The following COG8 variants were observed in gnomAD, a reference collection of about 807,000 sequenced individuals.
COG8 encodes conserved oligomeric Golgi complex subunit 8.
In COG8, 45 loss-of-function variants were observed where a neutral mutation model predicts 46.5. The ratio of observed to expected loss-of-function variants is 0.97; its 90% CI spans 0.76 to 1.24. The LOEUF is 1.24. Among genes scored for constraint, COG8 ranks in the 50% most tolerant of loss-of-function variants. The probability of loss-of-function intolerance (pLI) is 0.00; values close to 1 mark genes in which losing one functional copy is unlikely to be tolerated. For synonymous variants in COG8, 407 were observed against 347.8 expected, an observed-to-expected ratio of 1.17 and a Z score of -1.90; for missense variants, 793 against 820.8, an observed-to-expected ratio of 0.97 and a Z score of 0.41.
At chr16:69,336,782 A>G in intron 1 of COG8, 70 bp from the exon 2 acceptor site, 1 of 1,306,374 alleles carries the variant, frequency 7.7e-7, no homozygotes, top group Non-Finnish European at 1.1e-6. Flanking sequence ...GTTACCAAGT[A>G]CCTGCTATGA....
In COG8 at chr16:69,330,002, A is replaced by T. The variant is rs1470618268; in HGVS notation, c.*26+811T>A. 10 of 1,537,832 alleles carry T rather than the reference A, an allele frequency of 6.5e-6. No individual in the cohort carries two copies. In the South Asian group the frequency reaches 1.2e-4, roughly 18 times the overall value. On this transcript the variant is annotated intron_variant, in intron 5 of 5. Transcript: ENST00000306875. ...CCGGTCCCCGCCGCCCGCACCTGAG[A>T]TCTGCACCGCCTGGAAGCGGGGCAC...
chr16:69,330,031 G>C, intron 5 of COG8: 1 of 1,545,188 alleles, frequency 6.5e-7, no homozygotes, highest in Non-Finnish European at 8.7e-7. Flanking sequence ...GGGGCACGCA[G>C]GCCAGGAAGC....
intron 3 of COG8, 149 bp from the exon 4 acceptor site, chr16:69,333,031 CAG>C (rs2011982011): frequency 1.4e-6 from 1 of 738,486 alleles, no homozygotes; most frequent in African/African-American, 1.7e-5. Context: ...CATTTAAACT[CAG>C]AATTATGGTC....
In COG8 at chr16:69,339,541, C is replaced by T. The variant is rs756986120; in HGVS notation, c.12G>A (p.Ala4=). 6.8e-6 allele frequency: 11 copies of T among 1,608,782 alleles called. No homozygotes were observed. The Admixed American group carries it at 1.0e-4, about 15-fold the overall frequency. ...CCGTGGCTACCGATGGGATAGTCGC[C>T]GCGGTCGCCATCTTCCCAGCAACAA... The part of the protein sequence containing the change: MAT[A]ATIPSVATAT... Residue 4 remains alanine, a synonymous_variant, in exon 1 of 6, where the codon GCG becomes GCA. Transcript: ENST00000306875.
At position 69,336,581 on chromosome 16, in the gene COG8, T is replaced by C. The variant is rs552924056; in HGVS notation, c.509A>G (p.Tyr170Cys). Residue 170 changes from tyrosine to cysteine, a missense_variant, in exon 2 of 6, where the codon TAT becomes TGT. Tyr to Cys is a radical substitution (Grantham distance 194, BLOSUM62 -2). Coordinates refer to ENST00000306875, the MANE Select transcript of COG8 (RefSeq NM_032382.5). ...TGCAAGCTCCAGGGCCTCTTCATAATAACTGTTCCGGACACAGGTGTCCAT... is the reference window on the plus strand; with the variant it reads ...TGCAAGCTCCAGGGCCTCTTCATAACAACTGTTCCGGACACAGGTGTCCAT... ...QLMDTCVRNS[Y>C]YEEALELAAY... 2 of 1,614,194 alleles carry C rather than the reference T, an allele frequency of 1.2e-6. No individual in the cohort carries two copies. Among genetic ancestry groups the C allele is most frequent in the East Asian group, 2.2e-5 (1 of 44,892 alleles).
In COG8 at chr16:69,339,554, T is replaced by A. The variant is rs772344450; in HGVS notation, c.-2A>T. ...TGGGATAGTCGCCGCGGTCGCCATC[T>A]TCCCAGCAACAACGTCACTTCCCTT... is the stretch of plus-strand genomic sequence containing the variant. On this transcript the variant is annotated 5_prime_UTR_variant, in exon 1 of 6. In the 5' UTR this introduces an upstream ATG that the reference lacks. Transcript: ENST00000306875. 1.7e-5 allele frequency: 28 copies of A among 1,609,122 alleles called. No homozygotes were observed. Among genetic ancestry groups the A allele is most frequent in the Middle Eastern group, 4.5e-4 (2 of 4,484 alleles).
intron 5 of COG8, chr16:69,329,927 G>C (rs1965732956): frequency 1.4e-6 from 2 of 1,446,028 alleles, no homozygotes; most frequent in Non-Finnish European, 1.8e-6. Context: ...GACCACTTCT[G>C]CGCTCTCGCG....
At chr16:69,335,496 A>T (rs1298248155) in intron 2 of COG8, 148 bp from the exon 3 acceptor site, 1 of 763,056 alleles carries the variant, frequency 1.3e-6, no homozygotes, top group South Asian at 1.5e-5. Context: ...TAGGTTCACC[A>T]ACAAAGATCA....
rs769321092 is a variant in COG8, at chr16:69,331,094, G to C, written c.1584C>G (p.Gly528=). The C allele has an allele frequency of 1.4e-5, 22 of 1,613,702 alleles. No individual in the cohort carries two copies. The East Asian group carries it at 4.7e-4, about 34-fold the overall frequency. Residue 528 remains glycine, a splice_region_variant and synonymous_variant, in exon 5 of 6, where the codon GGC becomes GGG. Coordinates refer to ENST00000306875, the MANE Select transcript of COG8 (RefSeq NM_032382.5). ...FPPAQIAQTL[G]IPPTQLSKYG... ...ACTTGGAGAGCTGAGTGGGAGGAAT[G>C]CCTAACCCAGACGTGGGGAAAGCAA... is the stretch of plus-strand genomic sequence containing the variant.
chr16:69,329,255 C>T (rs960296633), intron 5 of COG8, 76 bp from the exon 6 acceptor site: 3 of 1,417,272 alleles, frequency 2.1e-6, no homozygotes, highest in Non-Finnish European at 1.8e-6. Context: ...CCCCTGCCCC[C>T]GGTCCTGGCT....
At chr16:69,334,388 G>A (rs2012065007) in intron 3 of COG8, 133 bp downstream of exon 3, 1 of 811,180 alleles carries the variant, frequency 1.2e-6, no homozygotes, top group African/African-American at 1.7e-5. Flanking sequence ...TCTCAATCAG[G>A]AGAACCTCCA....
Position 69,336,607 on chromosome 16 carries a change from G to C in COG8, c.483C>G (p.Leu161=). Residue 161 remains leucine (L), a synonymous_variant, in exon 2 of 6, where the codon CTC becomes CTG. Transcript: ENST00000306875. ...EILEILEIPQ[L]MDTCVRNSYY... is the part of the protein sequence containing the mutation. Reference sequence around the variant, plus strand: ...AACTGTTCCGGACACAGGTGTCCATGAGCTGAGGAATCTCCAGTATTTCCA... The same window carrying C: ...AACTGTTCCGGACACAGGTGTCCATCAGCTGAGGAATCTCCAGTATTTCCA... 6.2e-7 allele frequency: 1 copy of C among 1,614,172 alleles called. No individual in the cohort carries two copies.
At position 69,334,623 on chromosome 16, in the gene COG8, G is replaced by A. The variant is rs1201938154; in HGVS notation, c.1311C>T (p.Cys437=). The A allele has an allele frequency of 1.9e-6, 3 of 1,614,100 alleles. No homozygotes were observed. In the African/African-American group the frequency reaches 4.0e-5, roughly 22 times the overall value. Residue 437 remains cysteine, a synonymous_variant, in exon 3 of 6, where the codon TGC becomes TGT. Transcript: ENST00000306875. ...MVLLDFPPLA[C]FLNNILVAFN... is the part of the protein sequence containing the mutation. ...AGGCAACCAGAATATTGTTGAGAAA[G>A]CAGGCGAGGGGTGGGAAATCTAGGA... is the stretch of plus-strand genomic sequence containing the variant.
intron 5 of COG8, 109 bp downstream of exon 5, chr16:69,330,704 C>T (rs1043889611): frequency 7.2e-7 from 1 of 1,397,548 alleles, no homozygotes; most frequent in Non-Finnish European, 9.4e-7. Context: ...GCAGTGAGCA[C>T]CGCCCCCTTC....
intron 4 of COG8, 73 bp downstream of exon 4, chr16:69,332,641 C>T (rs777627418): frequency 1.5e-6 from 2 of 1,372,962 alleles, no homozygotes; most frequent in Non-Finnish European, 2.1e-6. Context: ...CACTGACTTA[C>T]ACAAATGGAT....
rs1387965491 is a variant in COG8 at position 69,332,512 on chromosome 16, A to G, written c.1582+202T>C. 10 of 637,670 alleles carry G rather than the reference A, an allele frequency of 1.6e-5. No individual in the cohort carries two copies. The East Asian group carries it at 2.7e-4, about 17-fold the overall frequency. The allele number at this position is 637,670 out of a possible 1,614,324, so 39.5% of individuals were successfully genotyped here. On this transcript the variant is annotated intron_variant, in intron 4 of 5. Transcript: ENST00000306875. ...TGTCCAGAAGAGGCAAATCTATGGC[A>G]ACAGAAAGTAGGTTGCCAGGGACTA...
intron 5 of COG8, 155 bp downstream of exon 5, chr16:69,330,658 A>G (rs920668791): frequency 1.8e-5 from 25 of 1,402,070 alleles, no homozygotes; most frequent in East Asian, 1.4e-4. Flanking sequence ...CACACAGCGA[A>G]GCCGCGACTG....
At chr16:69,337,795 G>A (rs192947482) in intron 1 of COG8, among the ~76,000 whole-genome samples, 2 of 149,642 alleles carry the variant, frequency 1.3e-5, no homozygotes, top group East Asian at 2.0e-4. Flanking sequence ...GCAGTGGCAC[G>A]CATCATCTTG....
rs1431716523 is a variant in COG8, at chr16:69,330,795, G to T, written c.*26+18C>A. ...GGCGAGGCAGTCCTGGCCACCCCGCGCCGGGAACCTCACGCACCGCGTTCT... is the reference window on the plus strand; with the variant it reads ...GGCGAGGCAGTCCTGGCCACCCCGCTCCGGGAACCTCACGCACCGCGTTCT... On this transcript the variant is annotated intron_variant, in intron 5 of 5. Transcript: ENST00000306875. The T allele has an allele frequency of 1.3e-6, 2 of 1,512,290 alleles. No homozygotes were observed. The highest frequency in any genetic ancestry group is 1.8e-6 in the Non-Finnish European group (2 of 1,136,424). The allele number at this position is 1,512,290 out of a possible 1,614,324, so 93.7% of individuals were successfully genotyped here. A position where few individuals can be genotyped will look rare whatever the true frequency, so the allele number is the denominator to read the frequency against.
Sources: allele counts gnomAD v4.1 joint callset (sites outside exome capture counted in the v4.1 genomes callset), GRCh38; gene constraint gnomAD v4.1.1; transcripts MANE v1.5; gene names NCBI Gene and HGNC (gene_info 2026-07-23, HGNC 2026-07-21).